The following LGSN variants were observed in gnomAD, a reference collection of about 807,000 sequenced individuals.
The protein encoded by LGSN is lengsin, lens protein with glutamine synthetase domain.
LGSN carries 21 observed loss-of-function variants against 19.5 expected under a neutral mutation model. That is an observed-to-expected ratio of 1.07 (90% confidence interval 0.76 to 1.55). The LOEUF (loss-of-function observed/expected upper bound fraction) is 1.55, where lower values mean the gene tolerates loss of function less well. LGSN is among the 40% of genes most tolerant of loss of function. The pLI, the probability that LGSN is intolerant of heterozygous loss-of-function variation, is 0.00. For synonymous variants in LGSN, 257 were observed against 215.6 expected, an observed-to-expected ratio of 1.19 and a Z score of -1.68; for missense variants, 673 against 608.5, an observed-to-expected ratio of 1.11 and a Z score of -1.12.
At chr6:63,570,322 C>T in the LGSN span, among the ~76,000 whole-genome samples, 1 of 152,196 alleles carries the variant, frequency 6.6e-6, no homozygotes, top group Admixed American at 6.5e-5. Flanking sequence ...AAGAGCAAGA[C>T]TCCATCTCAA....
At chr6:63,466,526 A>G in the LGSN span, among the ~76,000 whole-genome samples, 1 of 152,206 alleles carries the variant, frequency 6.6e-6, no homozygotes, top group Non-Finnish European at 1.5e-5. Context: ...CAGAAAAACC[A>G]TTTAGTCAGC....
At chr6:63,486,518 A>G in the LGSN span, among the ~76,000 whole-genome samples, 1 of 152,152 alleles carries the variant, frequency 6.6e-6, no homozygotes, top group Non-Finnish European at 1.5e-5. Context: ...GTGCACATTG[A>G]TTCCCTCTTG....
the LGSN span, among the ~76,000 whole-genome samples, chr6:63,524,916 A>T: frequency 6.6e-6 from 1 of 152,258 alleles, no homozygotes; most frequent in South Asian, 2.1e-4. Flanking sequence ...CCTCAGAGGC[A>T]TTCTTCATAT....
chr6:63,365,493 A>C, the LGSN span, among the ~76,000 whole-genome samples: 5 of 152,200 alleles, frequency 3.3e-5, no homozygotes, highest in African/African-American at 9.6e-5. Context: ...TTCACAGACG[A>C]ATTCTACCAG....
At chr6:63,406,501 C>T in the LGSN span, among the ~76,000 whole-genome samples, 1 of 149,102 alleles carries the variant, frequency 6.7e-6, no homozygotes, top group Non-Finnish European at 1.5e-5. Flanking sequence ...CACAACATAC[C>T]AGAATCTCTG....
chr6:63,336,644 G>T, the LGSN span, among the ~76,000 whole-genome samples: 13 of 140,628 alleles, frequency 9.2e-5, no homozygotes, highest in African/African-American at 1.9e-4. Context: ...TTTTTTTTTT[G>T]AAATGGACTC....
chr6:63,492,399 A>G, the LGSN span, among the ~76,000 whole-genome samples: 3 of 152,240 alleles, frequency 2.0e-5, no homozygotes, highest in African/African-American at 7.2e-5. Context: ...CATGTTGTTC[A>G]TAGTAACTAT....
chr6:63,504,758 A>G, the LGSN span, among the ~76,000 whole-genome samples: 1 of 152,290 alleles, frequency 6.6e-6, no homozygotes, highest in East Asian at 1.9e-4. Context: ...ATCATTTTTT[A>G]TGACCATTCT....
At chr6:63,416,208 C>G in the LGSN span, among the ~76,000 whole-genome samples, 8 of 150,534 alleles carry the variant, frequency 5.3e-5, no homozygotes, top group African/African-American at 2.0e-4. Context: ...CAGCACGATT[C>G]ATTGCTACTG....
chr6:63,495,469 T>TTTTTTTTTTTTTTTTTTTTTTTTTTTTG, the LGSN span, among the ~76,000 whole-genome samples: 113 of 119,298 alleles, frequency 9.5e-4, no homozygotes, highest in Middle Eastern at 5.2e-3. Context: ...TTTTTTTTTT[T>TTTTTTTTTTTTTTTTTTTTTTTTTTTTG]TTTTTTTGAG....
the LGSN span, among the ~76,000 whole-genome samples, chr6:63,492,336 CT>C: frequency 6.6e-6 from 1 of 150,388 alleles, no homozygotes; most frequent in Non-Finnish European, 1.5e-5. Flanking sequence ...CTTATACTAC[CT>C]TTAATTTATT....
chr6:63,470,559 C>T, the LGSN span, among the ~76,000 whole-genome samples: 1 of 151,360 alleles, frequency 6.6e-6, no homozygotes. Flanking sequence ...TTTATTTTAA[C>T]CTGAAAAAAT....
chr6:63,420,443 G>T, the LGSN span, among the ~76,000 whole-genome samples: 4 of 152,152 alleles, frequency 2.6e-5, no homozygotes, highest in South Asian at 2.1e-4. Flanking sequence ...GTGATTAAAG[G>T]CTTGACTGTT....
chr6:63,486,911 C>T, the LGSN span, among the ~76,000 whole-genome samples: 1 of 151,688 alleles, frequency 6.6e-6, no homozygotes, highest in South Asian at 2.1e-4. Flanking sequence ...TCTTAGCTCA[C>T]TGTAACCTCC....
the LGSN span, among the ~76,000 whole-genome samples, chr6:63,471,898 G>A: frequency 6.6e-6 from 1 of 152,054 alleles, no homozygotes; most frequent in African/African-American, 2.4e-5. Flanking sequence ...AAAAGAGATC[G>A]AAATCACATT....
the LGSN span, among the ~76,000 whole-genome samples, chr6:63,486,708 G>A: frequency 9.8e-4 from 122 of 124,876 alleles, no homozygotes; most frequent in Middle Eastern, 9.9e-3. Flanking sequence ...TTTTTGAGAC[G>A]GAGTCTCACT....
At chr6:63,475,314 CAAA>C in the LGSN span, among the ~76,000 whole-genome samples, 3 of 99,302 alleles carry the variant, frequency 3.0e-5, no homozygotes, top group South Asian at 3.6e-4. Context: ...ATAGATCTGC[CAAA>C]AAAAAAAAAA....
At chr6:63,520,224 T>C in the LGSN span, among the ~76,000 whole-genome samples, 1 of 152,250 alleles carries the variant, frequency 6.6e-6, no homozygotes, top group African/African-American at 2.4e-5. Context: ...ATTTTCCCAT[T>C]AGACATTTAT....
the LGSN span, among the ~76,000 whole-genome samples, chr6:63,377,767 A>G: frequency 2.0e-5 from 3 of 151,850 alleles, no homozygotes; most frequent in Admixed American, 1.3e-4. Context: ...ACAAAAAATT[A>G]TCAGGGCGTG....
Sources: gnomAD v4.1 joint callset for allele counts (sites outside exome capture counted in the v4.1 genomes callset) on GRCh38, gnomAD v4.1.1 for gene constraint, MANE v1.5 for transcripts, NCBI Gene and HGNC (gene_info 2026-07-23, HGNC 2026-07-21) for gene names.